Variants in NMT1 observed in about 807,000 individuals in gnomAD.
NMT1 encodes the protein N-myristoyltransferase 1, also known as glycylpeptide N-tetradecanoyltransferase 1.
A neutral mutation model predicts 63.4 loss-of-function variants in NMT1; 12 were observed. That is an observed-to-expected ratio of 0.19 (90% CI 0.12 to 0.31). NMT1 has a LOEUF of 0.31. Ranked by LOEUF, NMT1 falls within the 10% of genes least tolerant of loss-of-function variation. NMT1 has a pLI of 1.00. For missense variants in NMT1, 432 were observed against 634.6 expected, an observed-to-expected ratio of 0.68 and a Z score of 3.43; for synonymous variants, 228 against 234.3, an observed-to-expected ratio of 0.97 and a Z score of 0.25.
rs897205397 is a variant in NMT1 at position 45,108,546 on chromosome 17, TAACC to T, written c.*2912_*2915del. 1 of 152,680 alleles carries T rather than the reference TAACC, an allele frequency of 6.5e-6. No homozygotes were observed. Among genetic ancestry groups the T allele is most frequent in the Non-Finnish European group, 1.5e-5 (1 of 68,076 alleles). 9.5% of individuals were successfully genotyped at this position (152,680 alleles called of 1,614,324 possible). The stretch of plus-strand genomic sequence containing the variant: ...TCTTTCCCCAAAGACGACCAGCATT[TAACC>T]AACCTAAGGGCCCAAAGGCCTTGGA... On this transcript the variant is annotated 3_prime_UTR_variant, in exon 12 of 12. Transcript: ENST00000258960.
At position 45,089,784 on chromosome 17, in the gene NMT1, G is replaced by A. The variant is rs555826849; in HGVS notation, c.385+3132G>A. 4.5e-4 allele frequency among the ~76,000 whole-genome samples: 68 copies of A among 152,002 alleles called. 1 individual carries two copies. Among genetic ancestry groups the A allele is most frequent in the South Asian group, 8.3e-4 (4 of 4,812 alleles). ...CTCCTGAGTAGCTGGGACTACAGGTGCCTGCCACATGCCTGGCTAATTTTT... is the reference window on the plus strand; with the variant it reads ...CTCCTGAGTAGCTGGGACTACAGGTACCTGCCACATGCCTGGCTAATTTTT... On this transcript the variant is annotated intron_variant, in intron 3 of 11. Transcript: ENST00000258960.
intron 2 of NMT1, among the ~76,000 whole-genome samples, chr17:45,081,986 G>C (rs1292695516): frequency 1.3e-5 from 2 of 152,228 alleles, no homozygotes; most frequent in African/African-American, 4.8e-5. Context: ...GTGCCCATCA[G>C]AATGGACAGG....
chr17:45,086,494 T>G lies in NMT1; in HGVS notation c.241-14T>G. ...ATAATGGGCCTTTTTTCTCCCCAAC[T>G]TTGTCTTGTCCAGATGAACTCTTTG... On this transcript the variant is annotated splice_polypyrimidine_tract_variant and intron_variant, in intron 2 of 11. Transcript: ENST00000258960. The G allele has an allele frequency of 6.3e-7, 1 of 1,593,622 alleles. No homozygotes were observed.
chr17:45,104,939 C>T lies in NMT1; in HGVS notation c.1413C>T (p.Asp471=), dbSNP rs1199543349. ...AGAAGCTCAAGTTTGGCATAGGGGA[C>T]GGCAACCTGCAGTATTACCTTTACA... The part of the protein sequence containing the change: ...FLEKLKFGIG[D]GNLQYYLYNW... The change falls in exon 11 of 12, where the codon GAC becomes GAT. Residue 471 remains aspartate, a synonymous_variant. Coordinates refer to ENST00000258960, the MANE Select transcript of NMT1 (RefSeq NM_021079.5). The surrounding 1 kb of genome is among the most constrained non-coding windows in gnomAD (Gnocchi z 4.2). 6.2e-6 allele frequency: 10 copies of T among 1,613,988 alleles called. No individual in the cohort carries two copies. Among genetic ancestry groups the T allele is most frequent in the East Asian group, 2.2e-5 (1 of 44,892 alleles).
chr17:45,089,142 G>C (rs2054072565), intron 3 of NMT1, among the ~76,000 whole-genome samples: 1 of 152,220 alleles, frequency 6.6e-6, no homozygotes, highest in Non-Finnish European at 1.5e-5. Flanking sequence ...GCATGGCTGA[G>C]GCGTCACCCT....
chr17:45,094,276 T>A (rs868353668), intron 4 of NMT1, among the ~76,000 whole-genome samples: 1 of 151,726 alleles, frequency 6.6e-6, no homozygotes, highest in South Asian at 2.1e-4. Flanking sequence ...AGGCGGATCA[T>A]GAGGTCAGGA....
intron 1 of NMT1, among the ~76,000 whole-genome samples, chr17:45,063,205 A>T (rs1166634767): frequency 1.2e-4 from 1 of 8,350 alleles, no homozygotes; most frequent in Non-Finnish European, 6.8e-4. Flanking sequence ...ACTCCGACTC[A>T]AAAAAAAAAA....
At chr17:45,068,516 G>A (rs1647723427) in intron 1 of NMT1, among the ~76,000 whole-genome samples, 1 of 152,188 alleles carries the variant, frequency 6.6e-6, no homozygotes, top group South Asian at 2.1e-4. Context: ...GCTCTCTTGA[G>A]AGACAACTGA....
intron 1 of NMT1, among the ~76,000 whole-genome samples, chr17:45,066,953 C>T (rs555018864): frequency 1.3e-5 from 2 of 152,260 alleles, no homozygotes; most frequent in African/African-American, 4.8e-5. Context: ...CTGCTGGCCT[C>T]AAGTGATGCT....
Position 45,097,170 on chromosome 17 carries a change from G to A in NMT1, c.639G>A (p.Gly213=), listed in dbSNP as rs768715452. 1.2e-5 allele frequency: 19 copies of A among 1,614,226 alleles called. No homozygotes were observed. Among genetic ancestry groups the A allele is most frequent in the Non-Finnish European group, 1.6e-5 (19 of 1,180,034 alleles). ...GCTGGCTCCCCCAGTGGCACTGTGG[G>A]GTTCGAGTGGTCTCAAGTCGGAAAT... is the stretch of plus-strand genomic sequence containing the variant. ...PPGWLPQWHC[G]VRVVSSRKLV... Residue 213 remains glycine (G), a synonymous_variant, in exon 6 of 12, where the codon GGG becomes GGA. Transcript: ENST00000258960.
intron 1 of NMT1, among the ~76,000 whole-genome samples, 197 bp from the exon 2 acceptor site, chr17:45,081,447 T>A (rs1420784400): frequency 6.6e-6 from 1 of 152,170 alleles, no homozygotes; most frequent in African/African-American, 2.4e-5. Flanking sequence ...ACTCCCTCCC[T>A]GAAAGCCGAG....
chr17:45,098,754 C>T, intron 7 of NMT1: 1 of 529,456 alleles, frequency 1.9e-6, no homozygotes, highest in Non-Finnish European at 3.4e-6. Context: ...TTGGCAAGTC[C>T]CTGCCTTGTC....
chr17:45,089,467 G>A (rs1366877296), intron 3 of NMT1, among the ~76,000 whole-genome samples: 1 of 151,112 alleles, frequency 6.6e-6, no homozygotes, highest in African/African-American at 2.4e-5. Flanking sequence ...TCAGCCTCCC[G>A]AGTAGTTGGG....
intron 1 of NMT1, among the ~76,000 whole-genome samples, chr17:45,076,841 A>G (rs1270123688): frequency 6.6e-6 from 1 of 152,200 alleles, no homozygotes; most frequent in East Asian, 1.9e-4. Context: ...TTGCTCAGTA[A>G]CTGGCTGCTT....
chr17:45,093,788 G>A lies in NMT1; in HGVS notation c.489G>A (p.Leu163=), dbSNP rs1306112590. 1 of 1,614,138 alleles carries A rather than the reference G, an allele frequency of 6.2e-7. No homozygotes were observed. Among genetic ancestry groups the A allele is most frequent in the South Asian group, 1.1e-5 (1 of 91,084 alleles). ...PQGFTWDALD[L]GDRGVLKELY... ...GCTTCACCTGGGATGCTTTGGACCT[G>A]GGCGATCGTGGTGTGGTGAGTGGGC... Residue 163 remains leucine (L), a synonymous_variant, in exon 4 of 12, where the codon CTG becomes CTA. Coordinates refer to ENST00000258960, the MANE Select transcript of NMT1 (RefSeq NM_021079.5).
intron 5 of NMT1, 66 bp downstream of exon 5, chr17:45,096,351 C>A: frequency 7.6e-7 from 1 of 1,313,280 alleles, no homozygotes; most frequent in Non-Finnish European, 1.1e-6. Context: ...CCAGAGGGCA[C>A]CAGAGTTTTC....
chr17:45,084,473 T>G (rs975871248), intron 2 of NMT1, among the ~76,000 whole-genome samples: 2 of 152,006 alleles, frequency 1.3e-5, no homozygotes, highest in African/African-American at 4.8e-5. Context: ...TAGCTGGGAC[T>G]ACAGCCGCCC....
intron 3 of NMT1, among the ~76,000 whole-genome samples, chr17:45,091,847 G>T (rs1049363494): frequency 6.6e-6 from 1 of 152,108 alleles, no homozygotes; most frequent in African/African-American, 2.4e-5. Context: ...GCAACAGTGA[G>T]ACCTCATCTC....
At chr17:45,072,945 A>G (rs1277326416) in intron 1 of NMT1, among the ~76,000 whole-genome samples, 2 of 152,176 alleles carry the variant, frequency 1.3e-5, no homozygotes, top group South Asian at 2.1e-4. Context: ...CTCTCATAGA[A>G]TATTAACACA....
Sources: gnomAD v4.1 joint callset for allele counts (sites outside exome capture counted in the v4.1 genomes callset) on GRCh38, gnomAD v4.1.1 for gene constraint, Gnocchi (gnomAD v3.1) non-coding constraint, MANE v1.5 for transcripts, NCBI Gene and HGNC (gene_info 2026-07-23, HGNC 2026-07-21) for gene names.